CEACAM1: variants seen among roughly 807,000 people sequenced by gnomAD.
CEACAM1 encodes the protein cell adhesion molecule CEACAM1.
In CEACAM1, 31 loss-of-function variants were observed where a neutral mutation model predicts 49.1. The observed-to-expected ratio is 0.63, with a 90% CI of 0.47 to 0.85. CEACAM1 has a LOEUF of 0.85. Among genes scored for constraint, CEACAM1 ranks in the 40% least tolerant of loss-of-function variants. CEACAM1 has a pLI of 0.00. For synonymous variants in CEACAM1, 244 were observed against 247.8 expected (o/e 0.98, Z 0.14); for missense variants, 570 against 645.3 (o/e 0.88, Z 1.26).
intron 8 of CEACAM1, 98 bp downstream of exon 8, chr19:42,510,791 A>G (rs2041438132): frequency 4.3e-6 from 5 of 1,157,594 alleles, no homozygotes; most frequent in Non-Finnish European, 5.2e-6. Context: ...AGGAACATTA[A>G]CCCAAACTTG....
intron 2 of CEACAM1, among the ~76,000 whole-genome samples, chr19:42,524,689 G>C (rs2041845296): frequency 6.6e-6 from 1 of 152,158 alleles, no homozygotes. Context: ...AAACTGTGCA[G>C]TTCAGCTGGG....
chr19:42,527,183 T>C lies in CEACAM1; in HGVS notation c.282A>G (p.Ala94=). The C allele has an allele frequency of 6.2e-7, 1 of 1,614,186 alleles. No individual in the cohort carries two copies. The highest frequency in any genetic ancestry group is 8.5e-7 in the Non-Finnish European group (1 of 1,180,018). The change falls in exon 2 of 9, where the codon GCA becomes GCG. Residue 94 remains alanine (A), a synonymous_variant. Coordinates refer to ENST00000161559, the MANE Select transcript of CEACAM1 (RefSeq NM_001712.5). ...IGTQQATPGP[A]NSGRETIYPN... is the part of the protein sequence containing the mutation. ...GGTATATTGTCTCTCGACCGCTGTT[T>C]GCGGGCCCTGGGGTAGCTTGTTGAG...
chr19:42,525,791 A>G (rs2041876213), intron 2 of CEACAM1: 1 of 152,176 alleles, frequency 6.6e-6, no homozygotes, highest in Admixed American at 6.5e-5. Flanking sequence ...TGTGACCTTG[A>G]TATAGTGACT....
chr19:42,527,382 CAGA>C lies in CEACAM1; in HGVS notation c.80_82del (p.Phe27del). 1 of 1,604,472 alleles carries C rather than the reference CAGA, an allele frequency of 6.2e-7. No individual in the cohort carries two copies. The highest frequency in any genetic ancestry group is 8.5e-7 in the Non-Finnish European group (1 of 1,174,838). ...GAGCTGGGCAGTGGTGGGCGGGTTC[CAGA>C]AGGTTAGAAGTGAGGCTAGGAGAGA... On this transcript the variant is annotated inframe_deletion, in exon 2 of 9. Transcript: ENST00000161559.
At position 42,509,067 on chromosome 19, in the gene CEACAM1, A is replaced by T. The variant is rs201921419; in HGVS notation, c.*42T>A. 67 of 1,612,678 alleles carry T rather than the reference A, an allele frequency of 4.2e-5. 1 individual carries two copies. The African/African-American group carries it at 6.8e-4, about 16-fold the overall frequency. On this transcript the variant is annotated 3_prime_UTR_variant, in exon 9 of 9. Coordinates refer to ENST00000161559, the MANE Select transcript of CEACAM1 (RefSeq NM_001712.5). ...AATCTCCTAGTGATGAGGGTGAGAG[A>T]CTTGAAATACATCAGCACTGCAGTG...
At position 42,508,706 on chromosome 19, in the gene CEACAM1, A is replaced by G. The variant is rs77011148; in HGVS notation, c.*403T>C. 264 of 170,062 alleles carry G rather than the reference A, an allele frequency of 1.6e-3. 6 individuals carry two copies. The East Asian group carries it at 0.037, about 24-fold the overall frequency. The allele number at this position is 170,062 out of a possible 1,614,324, so 10.5% of individuals were successfully genotyped here. ...GTTTCCTGGCACATGTACTTAATGGAAAAGGACATAACCTCAAGGCTATGG... is the reference window on the plus strand; with the variant it reads ...GTTTCCTGGCACATGTACTTAATGGGAAAGGACATAACCTCAAGGCTATGG... On this transcript the variant is annotated 3_prime_UTR_variant, in exon 9 of 9. Transcript: ENST00000161559.
Position 42,512,490 on chromosome 19 carries a change from G to A in CEACAM1, c.1247-11C>T. On this transcript the variant is annotated splice_polypyrimidine_tract_variant and intron_variant, in intron 5 of 8. Coordinates refer to ENST00000161559, the MANE Select transcript of CEACAM1 (RefSeq NM_001712.5). ...GTGGTAGAGCATTATCTGTCATGGA[G>A]AGAAAAGAGGAGAAGAAATGAAAGT... The A allele has an allele frequency of 2.5e-6, 4 of 1,611,638 alleles. No individual in the cohort carries two copies. Among genetic ancestry groups the A allele is most frequent in the Non-Finnish European group, 3.4e-6 (4 of 1,178,026 alleles).
In CEACAM1 at chr19:42,507,437, G is replaced by A. The variant is rs1034534073; in HGVS notation, c.*1672C>T. The stretch of plus-strand genomic sequence containing the variant: ...ATGAGGGAAAGTATGCACAGTCCGT[G>A]TCAGGGTTAGAAAACCCTGAAAGAG... On this transcript the variant is annotated 3_prime_UTR_variant, in exon 9 of 9. Transcript: ENST00000161559. 4 of 152,162 alleles carry A rather than the reference G, an allele frequency of 2.6e-5. No homozygotes were observed. Among genetic ancestry groups the A allele is most frequent in the East Asian group, 3.8e-4 (2 of 5,198 alleles). The allele number at this position is 152,162 out of a possible 1,614,324, so 9.4% of individuals were successfully genotyped here. A position where few individuals can be genotyped will look rare whatever the true frequency, so the allele number is the denominator to read the frequency against.
chr19:42,520,248 G>A (rs1049532060), intron 4 of CEACAM1, among the ~76,000 whole-genome samples: 8 of 152,240 alleles, frequency 5.3e-5, no homozygotes, highest in African/African-American at 1.7e-4. Context: ...GCTGTGCTCT[G>A]TGCTATCCCA....
intron 2 of CEACAM1, among the ~76,000 whole-genome samples, chr19:42,526,381 A>C (rs1259235523): frequency 6.6e-6 from 1 of 152,068 alleles, no homozygotes; most frequent in Non-Finnish European, 1.5e-5. Context: ...TTCCTATGGC[A>C]TCTCCTAAGC....
chr19:42,528,220 G>T, intron 1 of CEACAM1, 91 bp downstream of exon 1: 2 of 1,112,852 alleles, frequency 1.8e-6, no homozygotes, highest in Non-Finnish European at 1.3e-6. Flanking sequence ...GAAGCCCTCT[G>T]TCCCCTCTTA....
rs139789895 is a variant in CEACAM1, at chr19:42,510,146, C to T, written c.1461+743G>A. Among the ~76,000 whole-genome samples, 12 of 152,230 alleles carry T rather than the reference C, an allele frequency of 7.9e-5. 1 individual carries two copies. Among genetic ancestry groups the T allele is most frequent in the South Asian group, 4.1e-4 (2 of 4,830 alleles). On this transcript the variant is annotated intron_variant, in intron 8 of 8. Transcript: ENST00000161559. ...TGTCGCCCAGGCTGGAGCGCAATGG[C>T]GCAATCTTGGCTCACTGCAAACTCC...
Position 42,521,515 on chromosome 19 carries a change from G to C in CEACAM1, c.710C>G (p.Pro237Arg), listed in dbSNP as rs200391182. ...DPVTLNVTYGPDTPTISPSDT... is the reference protein window; with the variant it reads ...DPVTLNVTYGRDTPTISPSDT... ...TGAAGGGGAAATGGTGGGGGTGTCC[G>C]GGCCATCTGGAGCAAAGAGAATAAA... The change falls in exon 4 of 9, where the codon CCG becomes CGG. Residue 237 changes from proline (P) to arginine (R), a missense_variant. By Grantham distance (103) the Pro-to-Arg change is moderately radical. Transcript: ENST00000161559. 4 of 1,613,476 alleles carry C rather than the reference G, an allele frequency of 2.5e-6. No individual in the cohort carries two copies. Among genetic ancestry groups the C allele is most frequent in the Non-Finnish European group, 2.5e-6 (3 of 1,179,634 alleles).
intron 5 of CEACAM1, among the ~76,000 whole-genome samples, chr19:42,515,520 A>G (rs2041578963): frequency 6.6e-6 from 1 of 152,146 alleles, no homozygotes; most frequent in African/African-American, 2.4e-5. Flanking sequence ...AAAAAATTAC[A>G]AAAATTAGCC....
intron 2 of CEACAM1, among the ~76,000 whole-genome samples, chr19:42,526,034 C>T (rs756921973): frequency 1.3e-5 from 2 of 152,148 alleles, no homozygotes; most frequent in Non-Finnish European, 2.9e-5. Context: ...TGGCTCACTG[C>T]AACCTCTGCC....
chr19:42,521,781 TG>T, intron 3 of CEACAM1, 142 bp downstream of exon 3: 1 of 1,554,390 alleles, frequency 6.4e-7, no homozygotes, highest in Non-Finnish European at 8.7e-7. Context: ...CAGGTTTGCC[TG>T]GGGAAAGGAA....
chr19:42,512,780 C>T (rs1014129894), intron 5 of CEACAM1, among the ~76,000 whole-genome samples: 1 of 151,688 alleles, frequency 6.6e-6, no homozygotes, highest in Admixed American at 6.6e-5. Flanking sequence ...CAGGTTCAAG[C>T]GATTCTCCTG....
intron 8 of CEACAM1, 36 bp from the exon 9 acceptor site, chr19:42,509,264 A>G (rs1225689456): frequency 1.3e-6 from 2 of 1,580,218 alleles, no homozygotes; most frequent in Non-Finnish European, 1.7e-6. Flanking sequence ...TAAGTCAGTG[A>G]CACAGGGCAG....
intron 4 of CEACAM1, among the ~76,000 whole-genome samples, chr19:42,519,815 C>T (rs943152811): frequency 3.9e-5 from 6 of 152,224 alleles, no homozygotes; most frequent in African/African-American, 7.2e-5. Context: ...ATGATCCACC[C>T]GCCTCAGCCT....
Sources: allele counts gnomAD v4.1 joint callset (sites outside exome capture counted in the v4.1 genomes callset), GRCh38; gene constraint gnomAD v4.1.1; transcripts MANE v1.5; gene names NCBI Gene and HGNC (gene_info 2026-07-23, HGNC 2026-07-21).